KIAA2012: variants seen among roughly 807,000 people sequenced by gnomAD.
The protein encoded by KIAA2012 is KIAA2012.
KIAA2012 carries 125 observed loss-of-function variants against 150.6 expected under a neutral mutation model. The ratio of observed to expected loss-of-function variants is 0.83; its 90% confidence interval spans 0.72 to 0.96. The LOEUF is 0.96. KIAA2012 is among the 40% of genes least tolerant of loss of function. KIAA2012 has a pLI of 0.00. For synonymous variants in KIAA2012, 462 were observed against 504.7 expected (o/e 0.92, Z 1.13); for missense variants, 1,219 against 1,354.9 (o/e 0.90, Z 1.57).
chr2:202,135,856 G>A, intron 12 of KIAA2012: 1 of 175,564 alleles, frequency 5.7e-6, no homozygotes, highest in Admixed American at 6.0e-5. Context: ...AGTGTGATGT[G>A]GAGGGGAAAG....
rs71025274 is a variant in KIAA2012, at chr2:202,081,543, C to CT, written c.369+6388dup. Among the ~76,000 whole-genome samples the CT allele has an allele frequency of 4.2e-3, 479 of 112,728 alleles. 2 individuals are homozygous for CT. The highest frequency in any genetic ancestry group is 0.018 in the East Asian group (79 of 4,282). 74.0% of individuals were successfully genotyped at this position (112,728 alleles called of 152,430 possible). A position where few individuals can be genotyped will look rare whatever the true frequency, so the allele number is the denominator to read the frequency against. The stretch of plus-strand genomic sequence containing the variant: ...TTACTTTCTGTTTTCTTTTTAAACA[C>CT]TTTTTTTTTTTTTTTTTTTTGCTGA... On this transcript the variant is annotated intron_variant, in intron 2 of 23. Transcript: ENST00000498697.
chr2:202,197,255 C>T, intron 22 of KIAA2012: 1 of 621,064 alleles, frequency 1.6e-6, no homozygotes, highest in Non-Finnish European at 2.7e-6. Flanking sequence ...TACGTCAACC[C>T]CCTAGTTTAT....
At chr2:202,179,499 C>A in intron 15 of KIAA2012, 5 of 703,906 alleles carry the variant, frequency 7.1e-6, no homozygotes, top group South Asian at 1.4e-5. Flanking sequence ...GAACCAATTA[C>A]CAAGCACATA....
At chr2:202,100,872 G>A (rs1690024253) in intron 7 of KIAA2012, among the ~76,000 whole-genome samples, 1 of 152,252 alleles carries the variant, frequency 6.6e-6, no homozygotes, top group African/African-American at 2.4e-5. Flanking sequence ...CTTTGAAAAT[G>A]CAGGGGAAAT....
chr2:202,079,633 A>G lies in KIAA2012; in HGVS notation c.369+4458A>G, dbSNP rs561518123. Reference sequence around the variant, plus strand: ...TTGATGGCCCAACTCCTTACGGGTAAAGATAAATGTTAAGTCAAGAAATCA... The same window carrying G: ...TTGATGGCCCAACTCCTTACGGGTAGAGATAAATGTTAAGTCAAGAAATCA... On this transcript the variant is annotated intron_variant, in intron 2 of 23. Transcript: ENST00000498697. 7.2e-5 allele frequency among the ~76,000 whole-genome samples: 11 copies of G among 152,340 alleles called. No homozygotes were observed. The South Asian group carries it at 2.3e-3, about 32-fold the overall frequency.
chr2:202,081,182 C>T (rs559227524), intron 2 of KIAA2012, among the ~76,000 whole-genome samples: 1 of 152,318 alleles, frequency 6.6e-6, no homozygotes, highest in East Asian at 1.9e-4. Context: ...ATCCGAATTT[C>T]CTTCTTTTGC....
intron 7 of KIAA2012, among the ~76,000 whole-genome samples, chr2:202,101,156 T>TG (rs1195520718): frequency 2.6e-5 from 4 of 152,304 alleles, no homozygotes; most frequent in Admixed American, 1.3e-4. Context: ...GTAGAAGAGA[T>TG]GAAGCACTTT....
chr2:202,135,208 C>T (rs1273435506), intron 12 of KIAA2012, among the ~76,000 whole-genome samples: 1 of 152,238 alleles, frequency 6.6e-6, no homozygotes, highest in Non-Finnish European at 1.5e-5. Context: ...TTCTGTTTAT[C>T]TCTTTAGTGG....
intron 13 of KIAA2012, among the ~76,000 whole-genome samples, chr2:202,143,551 CTT>C (rs11345113): frequency 9.9e-4 from 133 of 134,276 alleles, no homozygotes; most frequent in East Asian, 4.0e-3. Flanking sequence ...TTTTCCTGGG[CTT>C]TTTTTTTTTT....
intron 5 of KIAA2012, 118 bp downstream of exon 5, chr2:202,097,695 T>G (rs1040624096): frequency 4.3e-6 from 5 of 1,159,462 alleles, no homozygotes; most frequent in Non-Finnish European, 4.8e-6. Flanking sequence ...GTTCAAGCAT[T>G]TCTCCTGCCT....
At chr2:202,186,890 A>C (rs191071651) in intron 16 of KIAA2012, 43 bp from the exon 17 acceptor site, 1 of 1,536,326 alleles carries the variant, frequency 6.5e-7, no homozygotes, top group African/African-American at 1.4e-5. Context: ...TTTCCACCAG[A>C]GTTTTTCTTT....
In KIAA2012 at chr2:202,196,798, A is replaced by G. The variant is rs1692422867; in HGVS notation, c.3188-2A>G. 1 of 1,550,348 alleles carries G rather than the reference A, an allele frequency of 6.5e-7. No homozygotes were observed. Among genetic ancestry groups the G allele is most frequent in the Non-Finnish European group, 8.7e-7 (1 of 1,146,872 alleles). ...GAGCCCACCCCCTTTTCTATTCTGC[A>G]GAGGCAGAGAAGCAAAGGCAAGAGG... On this transcript the variant is annotated splice_acceptor_variant, in intron 21 of 23. Transcript: ENST00000498697. LOFTEE classifies it high-confidence loss of function.
intron 13 of KIAA2012, among the ~76,000 whole-genome samples, chr2:202,145,833 C>T (rs1004910323): frequency 6.6e-6 from 1 of 151,666 alleles, no homozygotes; most frequent in Non-Finnish European, 1.5e-5. Context: ...TACAGGCGCC[C>T]GTCACCACAC....
At chr2:202,073,877 TCA>T (rs1689262086) in intron 1 of KIAA2012, among the ~76,000 whole-genome samples, 166 bp downstream of exon 1, 1 of 150,924 alleles carries the variant, frequency 6.6e-6, no homozygotes, top group Admixed American at 6.6e-5. Flanking sequence ...GAAAATAACA[TCA>T]TTTTCCTGAC....
chr2:202,102,691 C>A (rs16838851), intron 7 of KIAA2012, among the ~76,000 whole-genome samples: 18,508 of 152,128 alleles, frequency 0.12, 3,677 homozygotes, highest in African/African-American at 0.42. Flanking sequence ...GACTTTATAT[C>A]CTCTCAAAGG....
At chr2:202,182,692 G>A (rs1335161346) in intron 15 of KIAA2012, among the ~76,000 whole-genome samples, 1 of 152,152 alleles carries the variant, frequency 6.6e-6, no homozygotes, top group African/African-American at 2.4e-5. Flanking sequence ...CTAGGGGTAG[G>A]ATAGTTGGAT....
intron 16 of KIAA2012, among the ~76,000 whole-genome samples, chr2:202,185,734 T>G (rs543660318): frequency 2.6e-5 from 4 of 151,658 alleles, no homozygotes; most frequent in Admixed American, 2.0e-4. Flanking sequence ...CCTACAGATT[T>G]CTGAAAAAAA....
chr2:202,187,245 T>C (rs1692247346), intron 17 of KIAA2012, 147 bp downstream of exon 17: 1 of 802,990 alleles, frequency 1.2e-6, no homozygotes, highest in African/African-American at 1.7e-5. Context: ...TGTGGTCTGC[T>C]TACCAAGCCC....
intron 12 of KIAA2012, among the ~76,000 whole-genome samples, chr2:202,131,410 G>T (rs1690925182): frequency 6.6e-6 from 1 of 152,198 alleles, no homozygotes; most frequent in South Asian, 2.1e-4. Context: ...CAAAGTGCTG[G>T]GATTACAGGC....
Sources: gnomAD v4.1 joint callset for allele counts (sites outside exome capture counted in the v4.1 genomes callset) on GRCh38, gnomAD v4.1.1 for gene constraint, MANE v1.5 for transcripts, NCBI Gene and HGNC (gene_info 2026-07-23, HGNC 2026-07-21) for gene names.